The following LRMDA variants were observed in gnomAD, a reference collection of about 807,000 sequenced individuals.
LRMDA encodes leucine rich melanocyte differentiation associated, also known as leucine-rich melanocyte differentiation-associated protein.
LRMDA carries 18 observed loss-of-function variants against 29.8 expected under a neutral mutation model. The observed-to-expected ratio is 0.60, with a 90% CI of 0.42 to 0.90. The LOEUF is 0.90. Ranked by LOEUF, LRMDA falls within the 40% of genes least tolerant of loss-of-function variation. LRMDA has a pLI of 0.00. For missense variants in LRMDA, 273 were observed against 273.9 expected (o/e 1.00, Z 0.02); for synonymous variants, 125 against 109.4 (o/e 1.14, Z -0.89).
At chr10:76,245,824 A>G (rs1852365690) in intron 5 of LRMDA, among the ~76,000 whole-genome samples, 1 of 152,174 alleles carries the variant, frequency 6.6e-6, no homozygotes, top group African/African-American at 2.4e-5. Context: ...GGAGGAGGGG[A>G]GGATGGGGAT....
Position 76,261,064 on chromosome 10 carries a change from C to CTTTTTTTTTTTTTT in LRMDA, c.517-63332_517-63319dup, listed in dbSNP as rs58554883. On this transcript the variant is annotated intron_variant, in intron 5 of 6. Transcript: ENST00000611255. ...GATTGACTTGCGTTTCTTTTCTTTT[C>CTTTTTTTTTTTTTT]TTTTTTTTTTTTTTTTTTGAGACGG... Among the ~76,000 whole-genome samples, 56 of 117,718 alleles carry CTTTTTTTTTTTTTT rather than the reference C, an allele frequency of 4.8e-4. 1 individual carries two copies. The highest frequency in any genetic ancestry group is 8.4e-4 in the African/African-American group (25 of 29,606). 77.2% of individuals were successfully genotyped at this position (117,718 alleles called of 152,430 possible).
At chr10:76,201,494 C>G (rs1006389109) in intron 5 of LRMDA, among the ~76,000 whole-genome samples, 2 of 152,222 alleles carry the variant, frequency 1.3e-5, no homozygotes, top group African/African-American at 2.4e-5. Flanking sequence ...CCAAGTTCTG[C>G]TTCTTCCAAA....
Position 76,118,342 on chromosome 10 carries a change from A to G in LRMDA, c.516+59559A>G, listed in dbSNP as rs1849702145. 2.0e-5 allele frequency among the ~76,000 whole-genome samples: 3 copies of G among 152,192 alleles called. No individual in the cohort carries two copies. In the South Asian group the frequency reaches 6.2e-4, roughly 32 times the overall value. On this transcript the variant is annotated intron_variant, in intron 5 of 6. Coordinates refer to ENST00000611255, the MANE Select transcript of LRMDA (RefSeq NM_001305581.2). ...AGCCCTTGGGAGTGGGTTGGGCTCT[A>G]TAAAATCATCCTCCAAGCACTTGGG...
At chr10:75,684,490 C>T (rs1025539616) in intron 2 of LRMDA, among the ~76,000 whole-genome samples, 2 of 152,100 alleles carry the variant, frequency 1.3e-5, no homozygotes, top group African/African-American at 4.8e-5. Context: ...CCAGATATTC[C>T]TAAGTCTTAA....
chr10:76,065,124 C>T (rs1414113043), intron 5 of LRMDA, among the ~76,000 whole-genome samples: 1 of 151,988 alleles, frequency 6.6e-6, no homozygotes, highest in Non-Finnish European at 1.5e-5. Flanking sequence ...CAACCTTATT[C>T]CTGACTTCAC....
At chr10:75,551,162 C>CT (rs71307703) in intron 2 of LRMDA, among the ~76,000 whole-genome samples, 12,215 of 136,202 alleles carry the variant, frequency 0.09, 724 homozygotes, top group East Asian at 0.31. Context: ...AGTCAGCTAT[C>CT]TTTTTTTTTT....
intron 2 of LRMDA, among the ~76,000 whole-genome samples, chr10:75,468,017 C>A (rs1844678150): frequency 6.7e-6 from 1 of 148,680 alleles, no homozygotes; most frequent in African/African-American, 2.5e-5. Flanking sequence ...CAAAGTATTG[C>A]TCAGTCATAC....
intron 5 of LRMDA, among the ~76,000 whole-genome samples, chr10:76,175,622 C>T (rs923024544): frequency 1.3e-5 from 2 of 152,278 alleles, no homozygotes; most frequent in Middle Eastern, 3.4e-3. Flanking sequence ...ACTGAGTGCT[C>T]GAGTTTGCTC....
chr10:75,524,400 G>C (rs1215955451), intron 2 of LRMDA, among the ~76,000 whole-genome samples: 1 of 152,162 alleles, frequency 6.6e-6, no homozygotes, highest in Non-Finnish European at 1.5e-5. Context: ...TTACTCATCT[G>C]TATAATGGGG....
intron 2 of LRMDA, among the ~76,000 whole-genome samples, chr10:75,936,493 A>T (rs1846295850): frequency 6.6e-6 from 1 of 152,168 alleles, no homozygotes; most frequent in Non-Finnish European, 1.5e-5. Context: ...ATACAAATAC[A>T]TATCTCACAT....
chr10:75,729,357 C>T (rs930608997), intron 2 of LRMDA, among the ~76,000 whole-genome samples: 2 of 152,214 alleles, frequency 1.3e-5, no homozygotes, highest in Admixed American at 6.5e-5. Flanking sequence ...CCAAAGAAGA[C>T]AGATTTCTCA....
At chr10:76,043,639 C>G (rs1009950542) in intron 3 of LRMDA, among the ~76,000 whole-genome samples, 1 of 152,028 alleles carries the variant, frequency 6.6e-6, no homozygotes, top group Non-Finnish European at 1.5e-5. Context: ...AACAAGAAAC[C>G]CTTGACGCAT....
intron 2 of LRMDA, among the ~76,000 whole-genome samples, chr10:75,736,182 A>G (rs1842760429): frequency 6.6e-6 from 1 of 152,256 alleles, no homozygotes; most frequent in Non-Finnish European, 1.5e-5. Flanking sequence ...AGTTATAGCT[A>G]TAGTGAGAAC....
chr10:76,123,901 A>G (rs1898078), intron 5 of LRMDA, among the ~76,000 whole-genome samples: 142,718 of 152,312 alleles, frequency 0.94, 66,999 homozygotes, highest in East Asian at 1. Context: ...TGGTTGAAGG[A>G]TGGATGGGTG....
intron 2 of LRMDA, among the ~76,000 whole-genome samples, chr10:75,516,383 T>C (rs1012470044): frequency 6.6e-6 from 1 of 152,232 alleles, no homozygotes; most frequent in African/African-American, 2.4e-5. Context: ...CCTGACTTTT[T>C]AATGATTGCA....
At chr10:75,929,300 T>A (rs568710179) in intron 2 of LRMDA, among the ~76,000 whole-genome samples, 2 of 146,780 alleles carry the variant, frequency 1.4e-5, no homozygotes, top group Non-Finnish European at 3.0e-5. Flanking sequence ...GATCTATGTG[T>A]GTGTGTGTGT....
At chr10:76,545,831 C>T (rs1030022071) in intron 6 of LRMDA, among the ~76,000 whole-genome samples, 4 of 151,888 alleles carry the variant, frequency 2.6e-5, no homozygotes, top group African/African-American at 4.8e-5. Context: ...AGCAATGTCA[C>T]GAGTTTTACT....
At chr10:76,365,071 T>TATACACAC (rs1256120614) in intron 6 of LRMDA, among the ~76,000 whole-genome samples, 5 of 91,512 alleles carry the variant, frequency 5.5e-5, no homozygotes, top group African/African-American at 2.1e-4. Context: ...CGTATATATA[T>TATACACAC]ACACACACAC....
At position 76,146,118 on chromosome 10, in the gene LRMDA, G is replaced by GT. The variant is rs529498005; in HGVS notation, c.516+87336dup. Among the ~76,000 whole-genome samples the GT allele has an allele frequency of 6.8e-4, 103 of 152,122 alleles. 3 individuals are homozygous for GT. In the South Asian group the frequency reaches 0.02, roughly 30 times the overall value. ...GGAGTGCTTTACTTCCAACTATGTGGTCAATTTTGGAGTAGGTGTGGTGTG... is the reference window on the plus strand; with the variant it reads ...GGAGTGCTTTACTTCCAACTATGTGGTTCAATTTTGGAGTAGGTGTGGTGTG... On this transcript the variant is annotated intron_variant, in intron 5 of 6. Transcript: ENST00000611255.
Sources: allele counts gnomAD v4.1 joint callset (sites outside exome capture counted in the v4.1 genomes callset), GRCh38; gene constraint gnomAD v4.1.1; transcripts MANE v1.5; gene names NCBI Gene and HGNC (gene_info 2026-07-23, HGNC 2026-07-21).